The following KIFAP3 variants were observed in gnomAD, a reference collection of about 807,000 sequenced individuals.
KIFAP3 encodes kinesin-associated protein 3.
A neutral mutation model predicts 106.5 loss-of-function variants in KIFAP3; 68 were observed. The observed-to-expected ratio is 0.64, with a 90% CI of 0.53 to 0.78. The LOEUF is 0.78. KIFAP3 is among the 30% of genes least tolerant of loss of function. KIFAP3 has a pLI of 0.00. For missense variants in KIFAP3, 780 were observed against 941.8 expected, an observed-to-expected ratio of 0.83 and a Z score of 2.25; for synonymous variants, 320 against 311.5, an observed-to-expected ratio of 1.03 and a Z score of -0.29.
At chr1:170,005,938 C>T (rs1490260248) in intron 10 of KIFAP3, among the ~76,000 whole-genome samples, 1 of 152,022 alleles carries the variant, frequency 6.6e-6, no homozygotes, top group Admixed American at 6.6e-5. Flanking sequence ...TTTCTGTGTC[C>T]CTGATCTCTC....
At chr1:170,074,720 G>C (rs1671860943), upstream of KIFAP3, 2 of 1,378,984 alleles carry the variant, frequency 1.5e-6, no homozygotes, top group Non-Finnish European at 1.9e-6. Context: ...CGACGCATGC[G>C]CTTGCTCTGC....
At chr1:169,967,492 T>C (rs933760875) in intron 17 of KIFAP3, among the ~76,000 whole-genome samples, 2 of 151,824 alleles carry the variant, frequency 1.3e-5, no homozygotes, top group Admixed American at 1.3e-4. Context: ...CTATTAATAA[T>C]ATGGTACTGC....
chr1:170,046,438 C>T (rs1010197536), intron 3 of KIFAP3, among the ~76,000 whole-genome samples: 2 of 152,092 alleles, frequency 1.3e-5, no homozygotes, highest in Non-Finnish European at 2.9e-5. Flanking sequence ...ATATGACAGA[C>T]ATTTCCTTTT....
chr1:170,000,388 CATTAAGGTGATAT>C (rs1034399438), intron 10 of KIFAP3, among the ~76,000 whole-genome samples: 2 of 152,090 alleles, frequency 1.3e-5, no homozygotes, highest in African/African-American at 4.8e-5. Flanking sequence ...GATAGAATAG[CATTAAGGTGATAT>C]ATTACCCCTG....
intron 3 of KIFAP3, 132 bp downstream of exon 3, chr1:170,046,580 T>C: frequency 1.6e-6 from 1 of 634,240 alleles, no homozygotes; most frequent in Non-Finnish European, 2.6e-6. Context: ...TACTCATTCA[T>C]AACACTGGTG....
At chr1:170,045,748 T>C (rs183904579) in intron 3 of KIFAP3, among the ~76,000 whole-genome samples, 1 of 152,328 alleles carries the variant, frequency 6.6e-6, no homozygotes, top group Admixed American at 6.5e-5. Flanking sequence ...ATTTCTTCCA[T>C]TTTTCTGACT....
chr1:170,065,204 T>C (rs892553692), intron 1 of KIFAP3, among the ~76,000 whole-genome samples: 3 of 152,228 alleles, frequency 2.0e-5, no homozygotes, highest in Admixed American at 6.5e-5. Flanking sequence ...TTTAGCATTC[T>C]TATGCTTACT....
intron 10 of KIFAP3, among the ~76,000 whole-genome samples, chr1:170,004,001 C>A (rs1405264687): frequency 3.9e-5 from 6 of 152,156 alleles, no homozygotes; most frequent in South Asian, 2.1e-4. Flanking sequence ...TGATAAGCAA[C>A]TTCAGCAAAG....
chr1:169,984,731 G>A (rs1168060348), intron 11 of KIFAP3, 41 bp from the exon 12 acceptor site: 2 of 1,085,090 alleles, frequency 1.8e-6, no homozygotes, highest in Admixed American at 1.9e-5. Context: ...AAGAAACAAA[G>A]ACAAAAAACC....
chr1:169,933,984 A>G (rs1007917164), intron 19 of KIFAP3, among the ~76,000 whole-genome samples: 2 of 152,114 alleles, frequency 1.3e-5, no homozygotes, highest in African/African-American at 4.8e-5. Flanking sequence ...ATCTTTTAAT[A>G]TCTCTATGCC....
chr1:169,961,268 T>C (rs367694859), intron 17 of KIFAP3, 33 bp from the exon 18 acceptor site: 12 of 1,553,072 alleles, frequency 7.7e-6, no homozygotes, highest in African/African-American at 1.4e-5. Flanking sequence ...TGTTATTATA[T>C]AAGCTAACTC....
At chr1:169,969,014 T>C (rs1665773430) in intron 17 of KIFAP3, among the ~76,000 whole-genome samples, 2 of 151,960 alleles carry the variant, frequency 1.3e-5, no homozygotes, top group Middle Eastern at 3.2e-3. Context: ...TAAACCCAAT[T>C]AGAGTATATG....
At chr1:170,066,570 A>C (rs1297711527) in intron 1 of KIFAP3, among the ~76,000 whole-genome samples, 1 of 152,310 alleles carries the variant, frequency 6.6e-6, no homozygotes, top group East Asian at 1.9e-4. Flanking sequence ...GAAAATGAAG[A>C]GAGGTAAATC....
chr1:170,075,033 C>G (rs567084765), upstream of KIFAP3, among the ~76,000 whole-genome samples: 1 of 152,336 alleles, frequency 6.6e-6, no homozygotes, highest in Non-Finnish European at 1.5e-5. Context: ...TGGAGATAAT[C>G]TGACCGTTGT....
intron 8 of KIFAP3, 29 bp downstream of exon 8, chr1:170,031,857 T>C: frequency 7.2e-7 from 1 of 1,385,222 alleles, no homozygotes; most frequent in Non-Finnish European, 1.0e-6. Context: ...AGTACTTTGT[T>C]GCTTTCCTCA....
intron 8 of KIFAP3, among the ~76,000 whole-genome samples, chr1:170,030,078 T>C (rs1273198067): frequency 6.6e-6 from 1 of 151,930 alleles, no homozygotes; most frequent in Non-Finnish European, 1.5e-5. Context: ...AAGGATTTCT[T>C]AGACACAATA....
chr1:169,974,538 A>T (rs184440558), intron 16 of KIFAP3, among the ~76,000 whole-genome samples: 6 of 151,642 alleles, frequency 4.0e-5, no homozygotes, highest in African/African-American at 1.5e-4. Context: ...ATTTTTTTTT[A>T]GGGTTAAAAA....
chr1:170,002,331 T>G (rs1354692285), intron 10 of KIFAP3, among the ~76,000 whole-genome samples: 1 of 152,198 alleles, frequency 6.6e-6, no homozygotes, highest in South Asian at 2.1e-4. Context: ...GAGAAACATT[T>G]ATATCAATAT....
intron 3 of KIFAP3, among the ~76,000 whole-genome samples, chr1:170,040,308 A>C (rs960201321): frequency 7.9e-5 from 12 of 152,190 alleles, no homozygotes; most frequent in Middle Eastern, 3.2e-3. Context: ...GAAAACCAAT[A>C]GTTTTCTAAA....
Sources: allele counts gnomAD v4.1 joint callset (sites outside exome capture counted in the v4.1 genomes callset), GRCh38; gene constraint gnomAD v4.1.1; transcripts MANE v1.5; gene names NCBI Gene and HGNC (gene_info 2026-07-23, HGNC 2026-07-21).